The following PLPP7 variants were observed in gnomAD, a reference collection of about 807,000 sequenced individuals.
PLPP7 encodes the protein inactive phospholipid phosphatase 7.
Under a neutral mutation model 16.9 loss-of-function variants are expected in PLPP7, and 11 were observed. The observed-to-expected ratio is 0.65, with a 90% CI of 0.41 to 1.08. PLPP7 has a LOEUF of 1.08. Ranked by LOEUF, PLPP7 falls within the 50% of genes least tolerant of loss-of-function variation. The pLI is 0.00. For synonymous variants in PLPP7, 174 were observed against 175.1 expected (o/e 0.99, Z 0.05); for missense variants, 358 against 397.1 (o/e 0.90, Z 0.84).
At chr9:131,299,774 G>C (rs540045075) in intron 1 of PLPP7, among the ~76,000 whole-genome samples, 2 of 152,204 alleles carry the variant, frequency 1.3e-5, no homozygotes, top group African/African-American at 4.8e-5. Context: ...TGCCAGCCTC[G>C]TTCACAGTGC....
In PLPP7 at chr9:131,308,364, G is replaced by T. The variant is rs2131222792; in HGVS notation, c.*77G>T. 1.1e-5 allele frequency: 16 copies of T among 1,479,458 alleles called. No homozygotes were observed. The highest frequency in any genetic ancestry group is 2.8e-5 in the African/African-American group (2 of 72,060). 91.6% of individuals were successfully genotyped at this position (1,479,458 alleles called of 1,614,324 possible). ...GGGGCAGGGGGTGGCGAGGTGGCGG[G>T]CGTGGGTGGAACAGAGCGGCCAGGA... is the stretch of plus-strand genomic sequence containing the variant. On this transcript the variant is annotated 3_prime_UTR_variant, in exon 2 of 2. Transcript: ENST00000372264.
intron 1 of PLPP7, among the ~76,000 whole-genome samples, chr9:131,293,331 T>C (rs1835702919): frequency 6.6e-6 from 1 of 152,188 alleles, no homozygotes; most frequent in African/African-American, 2.4e-5. Flanking sequence ...TGTCTTCATA[T>C]CCAGGTGTTG....
chr9:131,295,832 A>G lies in PLPP7; in HGVS notation c.451+5384A>G, dbSNP rs1176827884. On this transcript the variant is annotated intron_variant, in intron 1 of 1. Transcript: ENST00000372264. This position sits in a 1 kb window ranked among gnomAD's most constrained non-coding sequence, Gnocchi z 4.0. ...CATCCATGCTGTAGCGGGCGCCGGCATTTCCTTCCTCTCTAAGGCTGAATA... is the reference window on the plus strand; with the variant it reads ...CATCCATGCTGTAGCGGGCGCCGGCGTTTCCTTCCTCTCTAAGGCTGAATA... Among the ~76,000 whole-genome samples the G allele has an allele frequency of 6.6e-6, 1 of 152,080 alleles. No homozygotes were observed. Among genetic ancestry groups the G allele is most frequent in the Non-Finnish European group, 1.5e-5 (1 of 68,016 alleles).
chr9:131,293,392 A>G (rs1387099608), intron 1 of PLPP7, among the ~76,000 whole-genome samples: 4 of 152,228 alleles, frequency 2.6e-5, no homozygotes, highest in African/African-American at 7.2e-5. Context: ...AGCATAGGCC[A>G]CAGAGCAGGC....
At chr9:131,292,980 C>A (rs1835698385) in intron 1 of PLPP7, 1 of 982,952 alleles carries the variant, frequency 1.0e-6, no homozygotes, top group Non-Finnish European at 1.2e-6. Flanking sequence ...TTTTAAAAAT[C>A]TTTAAAAACA....
In PLPP7 at chr9:131,295,055, C is replaced by T. The variant is rs1835720761; in HGVS notation, c.451+4607C>T. Among the ~76,000 whole-genome samples the T allele has an allele frequency of 6.6e-6, 1 of 150,646 alleles. No individual in the cohort carries two copies. The highest frequency in any genetic ancestry group is 6.6e-5 in the Admixed American group (1 of 15,204). Reference sequence around the variant, plus strand: ...GCATGAACCCGGGAGGCGGAGCTTGCAGTGAGCTGAGATCGCACCACTGCA... The same window carrying T: ...GCATGAACCCGGGAGGCGGAGCTTGTAGTGAGCTGAGATCGCACCACTGCA... On this transcript the variant is annotated intron_variant, in intron 1 of 1. Coordinates refer to ENST00000372264, the MANE Select transcript of PLPP7 (RefSeq NM_032728.4). The surrounding 1 kb of genome is among the most constrained non-coding windows in gnomAD (Gnocchi z 4.0).
At position 131,294,022 on chromosome 9, in the gene PLPP7, G is replaced by C. The variant is rs1021519247; in HGVS notation, c.451+3574G>C. On this transcript the variant is annotated intron_variant, in intron 1 of 1. Transcript: ENST00000372264. Reference sequence around the variant, plus strand: ...GGGAGCTTGGGAAATGGGAGCTGCAGCTACGAGGCCTAGGAAGGGTCCTGC... The same window carrying C: ...GGGAGCTTGGGAAATGGGAGCTGCACCTACGAGGCCTAGGAAGGGTCCTGC... 3.9e-5 allele frequency among the ~76,000 whole-genome samples: 6 copies of C among 152,186 alleles called. No homozygotes were observed. The East Asian group carries it at 1.2e-3, about 29-fold the overall frequency.
rs113582425 is a variant in PLPP7 at position 131,307,727 on chromosome 9, A to T, written c.452-196A>T. ...GGCTTCTCCGCTAAAGGAAGTAGCTACAGGAAGGCAGGATGTGCCGGGCAG... is the reference window on the plus strand; with the variant it reads ...GGCTTCTCCGCTAAAGGAAGTAGCTTCAGGAAGGCAGGATGTGCCGGGCAG... On this transcript the variant is annotated intron_variant, in intron 1 of 1. Transcript: ENST00000372264. Among the ~76,000 whole-genome samples the T allele has an allele frequency of 1.4e-3, 212 of 152,308 alleles. 2 individuals carry two copies. Among genetic ancestry groups the T allele is most frequent in the African/African-American group, 4.9e-3 (204 of 41,580 alleles).
At position 131,308,207 on chromosome 9, in the gene PLPP7, A is replaced by G; in HGVS notation, c.736A>G (p.Ile246Val). Residue 246 changes from isoleucine (I) to valine (V), a missense_variant, in exon 2 of 2, where the codon ATC (isoleucine) becomes GTC (valine). By Grantham distance (29) the Ile-to-Val change is conservative. Transcript: ENST00000372264. ...CACGGACGTCCTCTCCGGCTTTGTCATCGGCTACCTCCAGTTCCGTCTGGT... is the reference window on the plus strand; with the variant it reads ...CACGGACGTCCTCTCCGGCTTTGTCGTCGGCTACCTCCAGTTCCGTCTGGT... ...HVTDVLSGFV[I>V]GYLQFRLVEL... 1 of 1,599,826 alleles carries G rather than the reference A, an allele frequency of 6.3e-7. No homozygotes were observed. Among genetic ancestry groups the G allele is most frequent in the Non-Finnish European group, 8.5e-7 (1 of 1,179,826 alleles).
At position 131,296,942 on chromosome 9, in the gene PLPP7, G is replaced by A. The variant is rs113844451; in HGVS notation, c.451+6494G>A. Among the ~76,000 whole-genome samples, 209 of 152,320 alleles carry A rather than the reference G, an allele frequency of 1.4e-3. 2 individuals are homozygous for A. Among genetic ancestry groups the A allele is most frequent in the African/African-American group, 4.8e-3 (201 of 41,568 alleles). Reference sequence around the variant, plus strand: ...CTTGTCTAGCCTGTTCCTAACTGAGGGGTATTTAGGCTGATCCCAAATCTT... The same window carrying A: ...CTTGTCTAGCCTGTTCCTAACTGAGAGGTATTTAGGCTGATCCCAAATCTT... On this transcript the variant is annotated intron_variant, in intron 1 of 1. Transcript: ENST00000372264.
chr9:131,290,086 AG>A lies in PLPP7; in HGVS notation c.95del (p.Gly32AlafsTer42). Reference sequence around the variant, plus strand: ...TTCCTGTCCCTGAACCAGCCCCCCAAGGGGGGCCCGGAGCCCCGCAGCTCGG... The same window carrying A: ...TTCCTGTCCCTGAACCAGCCCCCCAAGGGGGCCCGGAGCCCCGCAGCTCGG... ...AEFLSLNQPPKGGPEPRSSGR... is the reference protein window; with the variant it reads ...AEFLSLNQPPXGGPEPRSSGR... On this transcript the variant is annotated frameshift_variant, in exon 1 of 2. Transcript: ENST00000372264. LOFTEE classifies it high-confidence loss of function. This position sits in a 1 kb window ranked among gnomAD's most constrained non-coding sequence, Gnocchi z 4.2. 2.6e-6 allele frequency: 4 copies of A among 1,510,418 alleles called. No homozygotes were observed. Among genetic ancestry groups the A allele is most frequent in the Non-Finnish European group, 2.7e-6 (3 of 1,130,442 alleles). The allele number at this position is 1,510,418 out of a possible 1,614,324, so 93.6% of individuals were successfully genotyped here.
Position 131,295,310 on chromosome 9 carries a change from C to G in PLPP7, c.451+4862C>G, listed in dbSNP as rs148060219. Among the ~76,000 whole-genome samples the G allele has an allele frequency of 7.9e-5, 12 of 151,976 alleles. No individual in the cohort carries two copies. Among genetic ancestry groups the G allele is most frequent in the Non-Finnish European group, 1.3e-4 (9 of 67,954 alleles). ...CTGGGATTACAGGTGCCCGCCACCA[C>G]GACTGGCTAATTTTTGTATTTTTAG... is the stretch of plus-strand genomic sequence containing the variant. On this transcript the variant is annotated intron_variant, in intron 1 of 1. Coordinates refer to ENST00000372264, the MANE Select transcript of PLPP7 (RefSeq NM_032728.4). The surrounding 1 kb of genome is among the most constrained non-coding windows in gnomAD (Gnocchi z 4.0).
chr9:131,292,306 T>C (rs564838684), intron 1 of PLPP7, among the ~76,000 whole-genome samples: 1 of 152,344 alleles, frequency 6.6e-6, no homozygotes, highest in East Asian at 1.9e-4. Context: ...CCCTGCTCCC[T>C]TGACCCCATC....
At chr9:131,300,688 A>G (rs11244363) in intron 1 of PLPP7, among the ~76,000 whole-genome samples, 1 of 143,508 alleles carries the variant, frequency 7.0e-6, no homozygotes, top group East Asian at 2.0e-4. Context: ...TCTCAAAAGC[A>G]GAAAAAAAAA....
chr9:131,306,410 C>T (rs191170683), intron 1 of PLPP7, among the ~76,000 whole-genome samples: 1,703 of 151,340 alleles, frequency 0.011, 23 homozygotes, highest in Middle Eastern at 0.021. Context: ...GGCGAGGCAG[C>T]GTGCGCCTGT....
chr9:131,296,629 C>A (rs1474786009), intron 1 of PLPP7, among the ~76,000 whole-genome samples: 1 of 152,212 alleles, frequency 6.6e-6, no homozygotes, highest in African/African-American at 2.4e-5. Context: ...CTCCCTTAAA[C>A]CCTCTCCCAG....
At chr9:131,304,472 T>C (rs1835831993) in intron 1 of PLPP7, among the ~76,000 whole-genome samples, 3 of 152,140 alleles carry the variant, frequency 2.0e-5, no homozygotes, top group Non-Finnish European at 2.9e-5. Flanking sequence ...CCGTCTCTAC[T>C]AAAAATACAG....
At chr9:131,302,010 G>T (rs999278668) in intron 1 of PLPP7, among the ~76,000 whole-genome samples, 2 of 152,022 alleles carry the variant, frequency 1.3e-5, no homozygotes, top group Non-Finnish European at 2.9e-5. Context: ...GTAGAGACGG[G>T]GTTTCACCAT....
intron 1 of PLPP7, among the ~76,000 whole-genome samples, chr9:131,300,890 T>G (rs939064618): frequency 2.6e-5 from 4 of 151,946 alleles, no homozygotes; most frequent in Non-Finnish European, 5.9e-5. Context: ...CAGCCTTTCC[T>G]CCCCACATTT....
Sources: allele counts gnomAD v4.1 joint callset (sites outside exome capture counted in the v4.1 genomes callset), GRCh38; gene constraint gnomAD v4.1.1; non-coding constraint Gnocchi (gnomAD v3.1); transcripts MANE v1.5; gene names NCBI Gene and HGNC (gene_info 2026-07-23, HGNC 2026-07-21).